PHYKPL: variants seen among roughly 807,000 people sequenced by gnomAD.
PHYKPL encodes the protein 5-phosphonooxy-L-lysine phospho-lyase.
A neutral mutation model predicts 51.3 loss-of-function variants in PHYKPL; 42 were observed. The observed-to-expected ratio is 0.82, with a 90% CI of 0.64 to 1.06. The LOEUF (loss-of-function observed/expected upper bound fraction) is 1.06. Among genes scored for constraint, PHYKPL ranks in the 50% least tolerant of loss-of-function variants. The pLI, the probability that PHYKPL is intolerant of heterozygous loss-of-function variation, is 0.00. For missense variants in PHYKPL, 655 were observed against 586.6 expected, an observed-to-expected ratio of 1.12 and a Z score of -1.20; for synonymous variants, 264 against 236.0, an observed-to-expected ratio of 1.12 and a Z score of -1.09.
rs1759326724 is a variant in PHYKPL at position 178,214,443 on chromosome 5, T to G, written c.1172+353A>C. 2.6e-5 allele frequency among the ~76,000 whole-genome samples: 4 copies of G among 152,094 alleles called. No individual in the cohort carries two copies. The South Asian group carries it at 8.3e-4, about 31-fold the overall frequency. Reference sequence around the variant, plus strand: ...CCCTGGTATGAATAGAGAAGGTGTTTCCCTTCTCCAGGCCAAGGTGGCATT... The same window carrying G: ...CCCTGGTATGAATAGAGAAGGTGTTGCCCTTCTCCAGGCCAAGGTGGCATT... On this transcript the variant is annotated intron_variant, in intron 10 of 12. Coordinates refer to ENST00000308158, the MANE Select transcript of PHYKPL (RefSeq NM_153373.4).
intron 6 of PHYKPL, chr5:178,224,082 T>C (rs1486696556): frequency 2.2e-5 from 5 of 228,950 alleles, no homozygotes; most frequent in Admixed American, 2.1e-4. Flanking sequence ...GGACCCTGCC[T>C]GCCTCTCCAG....
intron 8 of PHYKPL, 160 bp from the exon 9 acceptor site, chr5:178,215,590 G>A: frequency 1.2e-6 from 1 of 830,004 alleles, no homozygotes; most frequent in Non-Finnish European, 1.8e-6. Flanking sequence ...GTAGTAAGTG[G>A]GGTTCAACAT....
intron 12 of PHYKPL, chr5:178,211,132 A>G (rs1473660031): frequency 6.4e-6 from 1 of 157,046 alleles, no homozygotes; most frequent in African/African-American, 2.4e-5. Context: ...GAAGCTATCC[A>G]AGCTTTTGAA....
rs866934920 is a variant in PHYKPL, at chr5:178,232,798, C to A, written c.-248G>T. On this transcript the variant is annotated 5_prime_UTR_variant, in exon 1 of 13. Coordinates refer to ENST00000308158, the MANE Select transcript of PHYKPL (RefSeq NM_153373.4). ...CCGCGCAGGAACTCGAGCGCTGCCCCGTCTCTGGTTCCGGGACGCGCCCCG... is the reference window on the plus strand; with the variant it reads ...CCGCGCAGGAACTCGAGCGCTGCCCAGTCTCTGGTTCCGGGACGCGCCCCG... The A allele has an allele frequency of 5.8e-6, 2 of 343,174 alleles. No individual in the cohort carries two copies. The highest frequency in any genetic ancestry group is 9.6e-5 in the East Asian group (2 of 20,816). The allele number at this position is 343,174 out of a possible 1,614,324, so 21.3% of individuals were successfully genotyped here.
Position 178,231,486 on chromosome 5 carries a change from T to A in PHYKPL, c.97A>T (p.Lys33Ter), listed in dbSNP as rs1178401912. 1 of 1,614,040 alleles carries A rather than the reference T, an allele frequency of 6.2e-7. No individual in the cohort carries two copies. The highest frequency in any genetic ancestry group is 8.5e-7 in the Non-Finnish European group (1 of 1,180,040). Residue 33 changes from lysine (K) to a stop codon, truncating the protein, a stop_gained, in exon 2 of 13, where the codon AAG becomes TAG. Coordinates refer to ENST00000308158, the MANE Select transcript of PHYKPL (RefSeq NM_153373.4). LOFTEE classifies it high-confidence loss of function. ...TACTGCCCTTGGGCCCGGACAATCT[T>A]AACAGGATCCTCGGGAAAAAAGAGT... ...CRLFFPEDPV[K>*]IVRAQGQYMY... is the part of the protein sequence containing the mutation.
intron 6 of PHYKPL, chr5:178,223,495 T>C (rs1761631488): frequency 2.2e-6 from 1 of 456,124 alleles, no homozygotes; most frequent in Non-Finnish European, 4.4e-6. Context: ...CATATGGCAA[T>C]GATTTCCCAA....
At chr5:178,218,680 T>C (rs1358415867) in intron 8 of PHYKPL, among the ~76,000 whole-genome samples, 1 of 152,214 alleles carries the variant, frequency 6.6e-6, no homozygotes, top group African/African-American at 2.4e-5. Context: ...TCTATGGTAT[T>C]TTGTTATAGT....
At chr5:178,213,667 G>A (rs1759129700) in intron 10 of PHYKPL, among the ~76,000 whole-genome samples, 1 of 152,226 alleles carries the variant, frequency 6.6e-6, no homozygotes, top group Non-Finnish European at 1.5e-5. Context: ...TCTCTGAGAT[G>A]AGGGGTCTGC....
In PHYKPL at chr5:178,210,185, G is replaced by A. The variant is rs748000197; in HGVS notation, c.*32-1270C>T. The A allele has an allele frequency of 6.0e-5, 96 of 1,613,330 alleles. 1 individual carries two copies. The highest frequency in any genetic ancestry group is 7.6e-5 in the Non-Finnish European group (90 of 1,179,406). On this transcript the variant is annotated intron_variant, in intron 12 of 12. Coordinates refer to ENST00000308158, the MANE Select transcript of PHYKPL (RefSeq NM_153373.4). ...CGGCAACTACTGGAACCAGGGCTAC[G>A]GCTACCAGCAGGGCTACGGGCCTGG...
At chr5:178,210,401 A>C in intron 12 of PHYKPL, 3 of 1,557,586 alleles carry the variant, frequency 1.9e-6, no homozygotes, top group Admixed American at 1.9e-5. Flanking sequence ...GAGCTACTTG[A>C]TTTTGAGCCT....
chr5:178,218,329 C>G lies in PHYKPL; in HGVS notation c.928-2899G>C, dbSNP rs575455725. Among the ~76,000 whole-genome samples, 93 of 150,334 alleles carry G rather than the reference C, an allele frequency of 6.2e-4. 1 individual carries two copies. In the Middle Eastern group the frequency reaches 0.01, roughly 17 times the overall value. On this transcript the variant is annotated intron_variant, in intron 8 of 12. Coordinates refer to ENST00000308158, the MANE Select transcript of PHYKPL (RefSeq NM_153373.4). ...CCAGAAGGAGAGGAAAGGGGCAGAACAAATATGAAAACGTTAAAAACCCTA... is the reference window on the plus strand; with the variant it reads ...CCAGAAGGAGAGGAAAGGGGCAGAAGAAATATGAAAACGTTAAAAACCCTA...
rs368576624 is a variant in PHYKPL, at chr5:178,210,659, G to T, written c.*31+1231C>A. The T allele has an allele frequency of 3.9e-5, 60 of 1,528,068 alleles. No homozygotes were observed. In the African/African-American group the frequency reaches 7.4e-4, roughly 19 times the overall value. The allele number at this position is 1,528,068 out of a possible 1,614,324, so 94.7% of individuals were successfully genotyped here. On this transcript the variant is annotated intron_variant, in intron 12 of 12. Transcript: ENST00000308158. ...GGAGCGACCAACTGATCGCACACAT[G>T]CTTTGTTTGGATATGGAGTGAACAC...
intron 8 of PHYKPL, among the ~76,000 whole-genome samples, chr5:178,221,381 G>A (rs755317422): frequency 6.6e-5 from 10 of 151,940 alleles, no homozygotes; most frequent in Non-Finnish European, 1.3e-4. Context: ...CTCTTGCCTG[G>A]GATGTCCTTT....
intron 8 of PHYKPL, chr5:178,216,712 C>T (rs953141563): frequency 1.3e-5 from 2 of 152,198 alleles, no homozygotes; most frequent in African/African-American, 4.8e-5. Context: ...TGACACTGAC[C>T]TTACTGGATA....
chr5:178,224,335 G>C (rs1470125989), intron 6 of PHYKPL, 113 bp downstream of exon 6: 1 of 1,160,884 alleles, frequency 8.6e-7, no homozygotes, highest in Non-Finnish European at 1.2e-6. Context: ...GATTCCTGGA[G>C]GGCAGGGCCT....
intron 8 of PHYKPL, among the ~76,000 whole-genome samples, chr5:178,222,043 T>C (rs891743605): frequency 6.6e-6 from 1 of 152,158 alleles, no homozygotes; most frequent in African/African-American, 2.4e-5. Flanking sequence ...CTTAACCAGC[T>C]CAAGTTCCAG....
At chr5:178,223,572 T>TGCAATCAGA (rs1253853198) in intron 6 of PHYKPL, 3 of 438,954 alleles carry the variant, frequency 6.8e-6, no homozygotes, top group African/African-American at 6.1e-5. Flanking sequence ...CCACACCTGT[T>TGCAATCAGA]GCAATCAGAG....
At chr5:178,210,865 C>A (rs1238666502) in intron 12 of PHYKPL, 1 of 552,594 alleles carries the variant, frequency 1.8e-6, no homozygotes, top group East Asian at 3.1e-5. Context: ...ATTACCAGGT[C>A]CCCCAGAAGC....
At chr5:178,207,400 T>TTCC (rs1757117138), downstream of PHYKPL, among the ~76,000 whole-genome samples, 1 of 152,182 alleles carries the variant, frequency 6.6e-6, no homozygotes, top group Non-Finnish European at 1.5e-5. Context: ...GAAAGACTTC[T>TTCC]CAGGCTGGGA....
Sources: gnomAD v4.1 joint callset for allele counts (sites outside exome capture counted in the v4.1 genomes callset) on GRCh38, gnomAD v4.1.1 for gene constraint, MANE v1.5 for transcripts, NCBI Gene and HGNC (gene_info 2026-07-23, HGNC 2026-07-21) for gene names.